The following DENND1A variants were observed in gnomAD, a reference collection of about 807,000 sequenced individuals.
DENND1A encodes DENN domain-containing protein 1A.
Under a neutral mutation model 113.7 loss-of-function variants are expected in DENND1A, and 51 were observed. That is an observed-to-expected ratio of 0.45 (90% CI 0.36 to 0.57). DENND1A has a LOEUF of 0.57. Ranked by LOEUF, DENND1A falls within the 20% of genes least tolerant of loss-of-function variation. DENND1A has a pLI of 0.00. For missense variants in DENND1A, 1,258 were observed against 1,395.9 expected (o/e 0.90, Z 1.57); for synonymous variants, 565 against 570.8 (o/e 0.99, Z 0.14).
At chr9:123,510,871 TTCCCTG>T (rs2053401249) in intron 13 of DENND1A, among the ~76,000 whole-genome samples, 1 of 152,164 alleles carries the variant, frequency 6.6e-6, no homozygotes, top group Non-Finnish European at 1.5e-5. Flanking sequence ...AGGAAGTAAG[TTCCCTG>T]GCACCAGAGG....
chr9:123,504,057 GC>G (rs1455021960), intron 13 of DENND1A, among the ~76,000 whole-genome samples: 1 of 152,142 alleles, frequency 6.6e-6, no homozygotes, highest in African/African-American at 2.4e-5. Context: ...TTTTTCACAA[GC>G]CTTCCTTTCT....
At chr9:123,585,169 A>G (rs2059103341) in intron 11 of DENND1A, among the ~76,000 whole-genome samples, 1 of 152,118 alleles carries the variant, frequency 6.6e-6, no homozygotes, top group African/African-American at 2.4e-5. Context: ...TCTGCTATCC[A>G]CTAACTTCTC....
intron 12 of DENND1A, among the ~76,000 whole-genome samples, chr9:123,561,859 C>T (rs982975466): frequency 1.3e-5 from 2 of 152,118 alleles, no homozygotes; most frequent in African/African-American, 4.8e-5. Flanking sequence ...AGATTCCCTA[C>T]TTCTCCCTCC....
chr9:123,672,994 C>T (rs1431376621), intron 6 of DENND1A, among the ~76,000 whole-genome samples: 1 of 152,220 alleles, frequency 6.6e-6, no homozygotes, highest in Non-Finnish European at 1.5e-5. Flanking sequence ...GTAGTTATAA[C>T]CCTCTACTCA....
At chr9:123,506,412 T>C (rs1255679697) in intron 13 of DENND1A, among the ~76,000 whole-genome samples, 4 of 151,788 alleles carry the variant, frequency 2.6e-5, no homozygotes, top group African/African-American at 7.3e-5. Context: ...TGAAACCTTG[T>C]CTCTACTAAA....
chr9:123,633,272 A>G (rs2061559145), intron 9 of DENND1A, among the ~76,000 whole-genome samples: 1 of 152,174 alleles, frequency 6.6e-6, no homozygotes, highest in African/African-American at 2.4e-5. Context: ...TGTAAAGTAC[A>G]GGAAGATCCT....
intron 4 of DENND1A, among the ~76,000 whole-genome samples, chr9:123,758,361 C>T (rs764315134): frequency 1.4e-4 from 21 of 152,306 alleles, no homozygotes; most frequent in Admixed American, 3.9e-4. Flanking sequence ...ATCATATATG[C>T]GTAGACCATC....
chr9:123,594,538 C>T (rs2059600867), intron 11 of DENND1A, among the ~76,000 whole-genome samples: 2 of 149,438 alleles, frequency 1.3e-5, no homozygotes, highest in South Asian at 4.2e-4. Context: ...TACTGAGCAA[C>T]TAATATAACG....
chr9:123,470,206 C>T (rs1207693532), intron 13 of DENND1A, among the ~76,000 whole-genome samples: 1 of 152,188 alleles, frequency 6.6e-6, no homozygotes, highest in African/African-American at 2.4e-5. Context: ...AGGGTGAGTC[C>T]ACAGTGCAGC....
intron 3 of DENND1A, among the ~76,000 whole-genome samples, chr9:123,774,985 C>T (rs1830257838): frequency 6.6e-6 from 1 of 152,142 alleles, no homozygotes; most frequent in African/African-American, 2.4e-5. Flanking sequence ...AATACTCCAT[C>T]TTATTTTTAA....
chr9:123,706,770 CAAAAAAAAAAAAAAA>C (rs575483682), intron 5 of DENND1A, among the ~76,000 whole-genome samples: 1 of 53,542 alleles, frequency 1.9e-5, no homozygotes, highest in African/African-American at 6.2e-5. Context: ...GACTCCGTCT[CAAAAAAAAAAAAAAA>C]AAAAAAAAAA....
intron 1 of DENND1A, among the ~76,000 whole-genome samples, chr9:123,921,362 A>T (rs535560202): frequency 2.6e-5 from 4 of 152,278 alleles, no homozygotes; most frequent in African/African-American, 9.6e-5. Flanking sequence ...ACTCAGAGGG[A>T]GAATGTATAG....
At chr9:123,703,721 G>T (rs747421403) in intron 5 of DENND1A, among the ~76,000 whole-genome samples, 18 of 152,006 alleles carry the variant, frequency 1.2e-4, no homozygotes, top group Non-Finnish European at 1.8e-4. Context: ...AGTACATATT[G>T]TACTCCTTTC....
rs749338758 is a variant in DENND1A, at chr9:123,607,541, AGAGAGAGTGTGT to A, written c.765+1883_765+1894del. Among the ~76,000 whole-genome samples the A allele has an allele frequency of 2.3e-3, 296 of 127,090 alleles. 3 individuals are homozygous for A. Among genetic ancestry groups the A allele is most frequent in the African/African-American group, 8.4e-3 (284 of 33,724 alleles). 83.4% of individuals were successfully genotyped at this position (127,090 alleles called of 152,430 possible). Reference sequence around the variant, plus strand: ...CACACAGAGAGAGAGAGAGAGAGAGAGAGAGAGTGTGTGTGTGTGTGTGTGTGTGTGTGTGTG... The same window carrying A: ...CACACAGAGAGAGAGAGAGAGAGAGAGTGTGTGTGTGTGTGTGTGTGTGTG... On this transcript the variant is annotated intron_variant, in intron 11 of 23. Transcript: ENST00000394215.
intron 2 of DENND1A, among the ~76,000 whole-genome samples, chr9:123,850,702 T>C (rs548191931): frequency 3.9e-5 from 6 of 152,262 alleles, no homozygotes; most frequent in African/African-American, 9.6e-5. Flanking sequence ...ATCTGTAAAA[T>C]TGAGACAGTA....
In DENND1A at chr9:123,671,309, C is replaced by T; in HGVS notation, c.435G>A (p.Val145=). The T allele has an allele frequency of 6.2e-7, 1 of 1,614,068 alleles. No individual in the cohort carries two copies. The highest frequency in any genetic ancestry group is 1.1e-5 in the South Asian group (1 of 91,056). ...CACTTACCACGCTGAGATGGACAGA[C>T]ACTCCTGGGTCAGGGATGGGAAGTT... ...LHKLPIPDPG[V]SVHLSVHSYF... is the part of the protein sequence containing the mutation. Residue 145 remains valine, a synonymous_variant, in exon 7 of 24, where the codon GTG becomes GTA. Coordinates refer to ENST00000394215, the MANE Select transcript of DENND1A (RefSeq NM_001352964.2).
chr9:123,439,042 G>C (rs2046732106), intron 19 of DENND1A, among the ~76,000 whole-genome samples: 1 of 152,232 alleles, frequency 6.6e-6, no homozygotes, highest in African/African-American at 2.4e-5. Flanking sequence ...AGCTGACTCT[G>C]GAATGCCACG....
At chr9:123,919,469 C>CT (rs1316904088) in intron 1 of DENND1A, among the ~76,000 whole-genome samples, 1 of 148,752 alleles carries the variant, frequency 6.7e-6, no homozygotes, top group Non-Finnish European at 1.5e-5. Context: ...ACAACTTCAA[C>CT]TAAAAAAAAA....
At chr9:123,727,475 G>A (rs186131945) in intron 5 of DENND1A, among the ~76,000 whole-genome samples, 2 of 152,246 alleles carry the variant, frequency 1.3e-5, no homozygotes, top group East Asian at 1.9e-4. Context: ...GCACTTTTCC[G>A]ATCCTCCAGA....
Sources: allele counts gnomAD v4.1 joint callset (sites outside exome capture counted in the v4.1 genomes callset), GRCh38; gene constraint gnomAD v4.1.1; transcripts MANE v1.5; gene names NCBI Gene and HGNC (gene_info 2026-07-23, HGNC 2026-07-21).